SDK1: variants seen among roughly 807,000 people sequenced by gnomAD.
SDK1 encodes the protein protein sidekick-1.
A neutral mutation model predicts 245.5 loss-of-function variants in SDK1; 157 were observed. The ratio of observed to expected loss-of-function variants is 0.64; its 90% CI spans 0.56 to 0.73. The LOEUF is 0.73. Ranked by LOEUF, SDK1 falls within the 30% of genes least tolerant of loss-of-function variation. The pLI, the probability that SDK1 is intolerant of heterozygous loss-of-function variation, is 0.00. For missense variants in SDK1, 3,583 were observed against 3,002.3 expected (o/e 1.19, Z -4.52); for synonymous variants, 1,647 against 1,278.5 (o/e 1.29, Z -6.15).
chr7:3,718,279 T>C (rs1424108775), intron 4 of SDK1, among the ~76,000 whole-genome samples: 1 of 152,042 alleles, frequency 6.6e-6, no homozygotes, highest in East Asian at 1.9e-4. Flanking sequence ...ATGGGTGGAA[T>C]CACTTGGGCT....
At chr7:4,001,818 C>G (rs541694701) in intron 14 of SDK1, among the ~76,000 whole-genome samples, 1 of 152,358 alleles carries the variant, frequency 6.6e-6, no homozygotes, top group Admixed American at 6.5e-5. Flanking sequence ...GCCTAAGCCT[C>G]TTTCTTTCTC....
chr7:4,154,773 G>T (rs1486898064), intron 30 of SDK1, among the ~76,000 whole-genome samples: 1 of 152,154 alleles, frequency 6.6e-6, no homozygotes, highest in African/African-American at 2.4e-5. Context: ...GCCAGCATTG[G>T]AATTCTGCTT....
At chr7:4,132,792 C>G (rs966831900) in intron 28 of SDK1, among the ~76,000 whole-genome samples, 2 of 152,100 alleles carry the variant, frequency 1.3e-5, no homozygotes, top group Non-Finnish European at 2.9e-5. Context: ...AAGTTGATGT[C>G]TTCCGTGTTT....
intron 38 of SDK1, among the ~76,000 whole-genome samples, chr7:4,218,818 T>A (rs1026918683): frequency 6.6e-6 from 1 of 152,022 alleles, no homozygotes. Context: ...GATATCCTCC[T>A]CCAAGAGCTG....
At chr7:3,643,443 T>C (rs1285901920) in intron 4 of SDK1, 1 of 142,916 alleles carries the variant, frequency 7.0e-6, no homozygotes, top group African/African-American at 2.6e-5. Context: ...CACCTGAGCA[T>C]CTGTGGAATC....
chr7:4,105,559 C>G (rs558644987), intron 22 of SDK1, among the ~76,000 whole-genome samples: 1 of 148,348 alleles, frequency 6.7e-6, no homozygotes, highest in East Asian at 2.1e-4. Context: ...CCCACCTCAG[C>G]CTCCCAAAGT....
At chr7:4,046,543 G>A (rs1789026190) in intron 17 of SDK1, among the ~76,000 whole-genome samples, 1 of 152,124 alleles carries the variant, frequency 6.6e-6, no homozygotes, top group Non-Finnish European at 1.5e-5. Context: ...AATATTTCCA[G>A]CACCATTTGT....
In SDK1 at chr7:3,584,030, C is replaced by G. The variant is rs757461259; in HGVS notation, c.299-35050C>G. ...TTCTGGGAGGGAACGGAATGCCAATCTAAGGTGCCAGGGAGAAGTGTTTGA... is the reference window on the plus strand; with the variant it reads ...TTCTGGGAGGGAACGGAATGCCAATGTAAGGTGCCAGGGAGAAGTGTTTGA... On this transcript the variant is annotated intron_variant, in intron 1 of 44. Coordinates refer to ENST00000404826, the MANE Select transcript of SDK1 (RefSeq NM_152744.4). Among the ~76,000 whole-genome samples, 7 of 152,280 alleles carry G rather than the reference C, an allele frequency of 4.6e-5. No individual in the cohort carries two copies. In the East Asian group the frequency reaches 7.7e-4, roughly 17 times the overall value.
At chr7:3,370,553 G>T (rs74960089) in intron 1 of SDK1, among the ~76,000 whole-genome samples, 2 of 152,226 alleles carry the variant, frequency 1.3e-5, no homozygotes, top group Non-Finnish European at 2.9e-5. Flanking sequence ...CTGGAGTAAC[G>T]TGGTGGTGGA....
At chr7:3,474,315 C>T (rs926635019) in intron 1 of SDK1, among the ~76,000 whole-genome samples, 4 of 151,528 alleles carry the variant, frequency 2.6e-5, no homozygotes, top group African/African-American at 4.8e-5. Flanking sequence ...AGGATGGTCT[C>T]GGTCTCTTGA....
intron 14 of SDK1, among the ~76,000 whole-genome samples, chr7:3,998,821 C>G (rs1413451455): frequency 1.3e-5 from 2 of 152,198 alleles, no homozygotes; most frequent in African/African-American, 4.8e-5. Context: ...CAGTCGGCGT[C>G]TCCACTGCCT....
intron 1 of SDK1, among the ~76,000 whole-genome samples, chr7:3,356,345 G>A (rs1243472067): frequency 3.9e-5 from 6 of 152,218 alleles, no homozygotes; most frequent in East Asian, 1.9e-4. Flanking sequence ...GGCAGTTGCC[G>A]TGCACATCAA....
At chr7:3,703,439 G>A (rs1196170589) in intron 4 of SDK1, among the ~76,000 whole-genome samples, 1 of 152,162 alleles carries the variant, frequency 6.6e-6, no homozygotes, top group East Asian at 1.9e-4. Flanking sequence ...ACTAACTAGT[G>A]GATGCCAGGT....
At chr7:3,424,739 A>C (rs528436775) in intron 1 of SDK1, among the ~76,000 whole-genome samples, 179 of 152,210 alleles carry the variant, frequency 1.2e-3, no homozygotes, top group Non-Finnish European at 1.9e-3. Context: ...TCTACAAAAA[A>C]TAAAAAAACT....
intron 1 of SDK1, among the ~76,000 whole-genome samples, chr7:3,397,576 G>A (rs1487101275): frequency 6.6e-6 from 1 of 151,538 alleles, no homozygotes; most frequent in East Asian, 1.9e-4. Flanking sequence ...AGGATTCCCT[G>A]TAATATGCAA....
chr7:3,441,923 G>T (rs998175070), intron 1 of SDK1, among the ~76,000 whole-genome samples: 1 of 152,080 alleles, frequency 6.6e-6, no homozygotes, highest in African/African-American at 2.4e-5. Context: ...TGCTTGATTT[G>T]CCTGAGTGAT....
At chr7:4,107,691 G>T (rs1429651615) in intron 22 of SDK1, among the ~76,000 whole-genome samples, 6 of 152,066 alleles carry the variant, frequency 3.9e-5, no homozygotes, top group Non-Finnish European at 8.8e-5. Flanking sequence ...TGTGGGGCTT[G>T]GTCCTCCGCA....
chr7:3,862,122 C>T (rs1452574942), intron 5 of SDK1, among the ~76,000 whole-genome samples: 2 of 152,212 alleles, frequency 1.3e-5, no homozygotes, highest in Non-Finnish European at 2.9e-5. Context: ...ACTACATGGA[C>T]AGATCCATCT....
In SDK1 at chr7:3,992,778, C is replaced by T. The variant is rs533349217; in HGVS notation, c.2131+5456C>T. Among the ~76,000 whole-genome samples, 16 of 152,212 alleles carry T rather than the reference C, an allele frequency of 1.1e-4. 1 individual carries two copies. Among genetic ancestry groups the T allele is most frequent in the African/African-American group, 2.6e-4 (11 of 41,530 alleles). Reference sequence around the variant, plus strand: ...AGGGTTATCTGATTCGATAGGGACCCGCGCTTTCCATCGTCTTTGGGCTAC... The same window carrying T: ...AGGGTTATCTGATTCGATAGGGACCTGCGCTTTCCATCGTCTTTGGGCTAC... On this transcript the variant is annotated intron_variant, in intron 14 of 44. Coordinates refer to ENST00000404826, the MANE Select transcript of SDK1 (RefSeq NM_152744.4).
Sources: gnomAD v4.1 joint callset for allele counts (sites outside exome capture counted in the v4.1 genomes callset) on GRCh38, gnomAD v4.1.1 for gene constraint, MANE v1.5 for transcripts, NCBI Gene and HGNC (gene_info 2026-07-23, HGNC 2026-07-21) for gene names.